The following PLD5 variants were observed in gnomAD, a reference collection of about 807,000 sequenced individuals.
The protein encoded by PLD5 is inactive phospholipase D5.
Under a neutral mutation model 61.1 loss-of-function variants are expected in PLD5, and 36 were observed. That is an observed-to-expected ratio of 0.59 (90% CI 0.45 to 0.78). The LOEUF (loss-of-function observed/expected upper bound fraction) is 0.78. Ranked by LOEUF, PLD5 falls within the 30% of genes least tolerant of loss-of-function variation. The probability of loss-of-function intolerance (pLI) is 0.00; values close to 1 mark genes in which losing one functional copy is unlikely to be tolerated. For synonymous variants in PLD5, 243 were observed against 242.8 expected (o/e 1.00, Z -0.01); for missense variants, 515 against 644.4 (o/e 0.80, Z 2.17).
chr1:242,331,984 C>T (rs142280148), intron 2 of PLD5, among the ~76,000 whole-genome samples: 334 of 149,176 alleles, frequency 2.2e-3, no homozygotes, highest in East Asian at 1.0e-2. Context: ...TTTGCCGCAC[C>T]CATCAACCCG....
chr1:242,395,052 A>C (rs536237138), intron 1 of PLD5, among the ~76,000 whole-genome samples: 2 of 102,588 alleles, frequency 1.9e-5, no homozygotes, highest in African/African-American at 4.4e-5. Flanking sequence ...TGTATATATG[A>C]ATATATATGT....
At chr1:242,451,459 C>CTTTTTTT (rs398038597) in intron 1 of PLD5, among the ~76,000 whole-genome samples, 8 of 115,152 alleles carry the variant, frequency 6.9e-5, no homozygotes, top group Non-Finnish European at 1.0e-4. Context: ...GTATCAAATT[C>CTTTTTTT]TTTTTTTTTT....
At chr1:242,521,990 C>T (rs1669295886) in intron 1 of PLD5, among the ~76,000 whole-genome samples, 1 of 152,006 alleles carries the variant, frequency 6.6e-6, no homozygotes, top group Non-Finnish European at 1.5e-5. Flanking sequence ...ATATTGTATA[C>T]TAATTTAATT....
rs1360803086 is a variant in PLD5 at position 242,322,238 on chromosome 1, T to A, written c.326+25868A>T. On this transcript the variant is annotated intron_variant, in intron 2 of 9. Transcript: ENST00000536534. ...TTGGTATAAATGATCTCATCTAATG[T>A]ACGTTTGTTCACTCTGCCTTGGCTG... 3.9e-5 allele frequency among the ~76,000 whole-genome samples: 6 copies of A among 152,162 alleles called. No homozygotes were observed. The East Asian group carries it at 1.2e-3, about 29-fold the overall frequency.
intron 1 of PLD5, among the ~76,000 whole-genome samples, chr1:242,388,529 G>A (rs143239020): frequency 7.3e-4 from 111 of 152,298 alleles, no homozygotes; most frequent in African/African-American, 2.5e-3. Context: ...TTTAAAAGTA[G>A]TGGATGGAAT....
intron 5 of PLD5, among the ~76,000 whole-genome samples, chr1:242,150,178 C>G (rs539037746): frequency 1.3e-5 from 2 of 151,670 alleles, no homozygotes; most frequent in East Asian, 3.9e-4. Context: ...TAAGTACTTA[C>G]TTTTTATAAT....
chr1:242,378,266 A>T (rs575560664), intron 1 of PLD5, among the ~76,000 whole-genome samples: 2 of 152,352 alleles, frequency 1.3e-5, no homozygotes, highest in East Asian at 3.9e-4. Flanking sequence ...ACACAAAAGG[A>T]TAATGTATGA....
intron 1 of PLD5, among the ~76,000 whole-genome samples, chr1:242,361,223 C>T (rs1306774656): frequency 1.3e-5 from 2 of 152,008 alleles, no homozygotes; most frequent in Non-Finnish European, 2.9e-5. Flanking sequence ...CTAGTTATTT[C>T]CATTTTCATT....
intron 8 of PLD5, among the ~76,000 whole-genome samples, chr1:242,101,970 G>A (rs1370015062): frequency 3.3e-5 from 5 of 152,074 alleles, no homozygotes; most frequent in African/African-American, 7.2e-5. Context: ...CTATCACCAC[G>A]GTTATAGACA....
At chr1:242,444,731 T>TAATATA (rs1558572567) in intron 1 of PLD5, among the ~76,000 whole-genome samples, 1 of 71,120 alleles carries the variant, frequency 1.4e-5, no homozygotes, top group Non-Finnish European at 3.5e-5. Context: ...AATATATATA[T>TAATATA]TATTTGTATA....
intron 2 of PLD5, among the ~76,000 whole-genome samples, chr1:242,311,816 C>T (rs1354837225): frequency 2.6e-5 from 4 of 152,178 alleles, no homozygotes; most frequent in Non-Finnish European, 5.9e-5. Context: ...CTCTTTCTCT[C>T]TTCTTCTGGA....
chr1:242,329,949 T>C (rs544281471), intron 2 of PLD5, among the ~76,000 whole-genome samples: 1 of 152,328 alleles, frequency 6.6e-6, no homozygotes, highest in South Asian at 2.1e-4. Flanking sequence ...TCAATGTTTA[T>C]GAGTTTCCTG....
chr1:242,368,773 G>T (rs1661477759), intron 1 of PLD5, among the ~76,000 whole-genome samples: 1 of 152,176 alleles, frequency 6.6e-6, no homozygotes, highest in African/African-American at 2.4e-5. Flanking sequence ...TGGTGTAGCT[G>T]CAGGCTTTCT....
intron 2 of PLD5, among the ~76,000 whole-genome samples, chr1:242,332,086 T>C (rs1659217472): frequency 6.6e-6 from 1 of 152,072 alleles, no homozygotes; most frequent in South Asian, 2.1e-4. Context: ...CCTCCCTGTG[T>C]CCATGTGTTC....
intron 5 of PLD5, among the ~76,000 whole-genome samples, chr1:242,173,857 G>C (rs1321838730): frequency 6.6e-6 from 1 of 152,174 alleles, no homozygotes; most frequent in Non-Finnish European, 1.5e-5. Flanking sequence ...GTAGAAAGCT[G>C]AAACTGGATC....
At chr1:242,182,591 C>A (rs964284323) in intron 5 of PLD5, among the ~76,000 whole-genome samples, 1 of 152,164 alleles carries the variant, frequency 6.6e-6, no homozygotes, top group East Asian at 1.9e-4. Context: ...GCTTGTAATT[C>A]CAGCACTTTG....
At chr1:242,449,664 T>C (rs1385069269) in intron 1 of PLD5, among the ~76,000 whole-genome samples, 2 of 152,230 alleles carry the variant, frequency 1.3e-5, no homozygotes, top group Non-Finnish European at 2.9e-5. Context: ...TGTTTAATTA[T>C]GTTTCTCCCT....
chr1:242,432,891 G>A (rs1444851857), intron 1 of PLD5, among the ~76,000 whole-genome samples: 1 of 152,172 alleles, frequency 6.6e-6, no homozygotes, highest in African/African-American at 2.4e-5. Flanking sequence ...GAGACCAAGA[G>A]ATACAGAGAT....
rs186834058 is a variant in PLD5 at position 242,347,511 on chromosome 1, A to C, written c.326+595T>G. Among the ~76,000 whole-genome samples the C allele has an allele frequency of 8.4e-3, 1,275 of 152,288 alleles. 19 individuals are homozygous for C. The highest frequency in any genetic ancestry group is 0.029 in the African/African-American group (1,199 of 41,552). On this transcript the variant is annotated intron_variant, in intron 2 of 9. Transcript: ENST00000536534. Reference sequence around the variant, plus strand: ...AGGAGATTTCTGGGGTTGAGACTACACTGTGATGTCTCTGCCAGTCAGCAA... The same window carrying C: ...AGGAGATTTCTGGGGTTGAGACTACCCTGTGATGTCTCTGCCAGTCAGCAA...
Sources: allele counts gnomAD v4.1 joint callset (sites outside exome capture counted in the v4.1 genomes callset), GRCh38; gene constraint gnomAD v4.1.1; transcripts MANE v1.5; gene names NCBI Gene and HGNC (gene_info 2026-07-23, HGNC 2026-07-21).